PXYLP1: variants seen among roughly 807,000 people sequenced by gnomAD.
The protein encoded by PXYLP1 is acid phosphatase-like 2.
In PXYLP1, 17 loss-of-function variants were observed where a neutral mutation model predicts 37.9. That is an observed-to-expected ratio of 0.45 (90% CI 0.31 to 0.67). PXYLP1 has a LOEUF of 0.67. PXYLP1 is among the 30% of genes least tolerant of loss of function. The pLI is 0.07. For synonymous variants in PXYLP1, 221 were observed against 232.2 expected (o/e 0.95, Z 0.44); for missense variants, 511 against 612.0 (o/e 0.84, Z 1.74).
At position 141,260,185 on chromosome 3, in the gene PXYLP1, C is replaced by T. The variant is rs781734946; in HGVS notation, c.10C>T (p.Arg4Cys). Residue 4 changes from arginine (R) to cysteine (C), a missense_variant, in exon 2 of 6, where the codon CGC (arginine) becomes TGC (cysteine). Transcript: ENST00000286353. MLF[R>C]NRFLLLLALA... is the part of the protein sequence containing the mutation. The stretch of plus-strand genomic sequence containing the variant: ...AATAGAATACTTAATAATGCTTTTC[C>T]GCAACCGCTTCTTGCTGCTGCTGGC... 23 of 1,613,754 alleles carry T rather than the reference C, an allele frequency of 1.4e-5. 1 individual carries two copies. In the Middle Eastern group the frequency reaches 1.2e-3, roughly 81 times the overall value.
chr3:141,284,441 A>T (rs1486465624), intron 4 of PXYLP1, among the ~76,000 whole-genome samples: 1 of 152,224 alleles, frequency 6.6e-6, no homozygotes, highest in East Asian at 1.9e-4. Context: ...GACCTCAGAA[A>T]TAGGATCTAA....
intron 1 of PXYLP1, among the ~76,000 whole-genome samples, chr3:141,245,389 T>C (rs1940912416): frequency 6.6e-6 from 1 of 152,190 alleles, no homozygotes; most frequent in Non-Finnish European, 1.5e-5. Flanking sequence ...TTTAAATGTA[T>C]ATTTCTTTCC....
intron 1 of PXYLP1, among the ~76,000 whole-genome samples, chr3:141,241,102 G>C (rs556180957): frequency 6.6e-6 from 1 of 152,278 alleles, no homozygotes; most frequent in Admixed American, 6.5e-5. Context: ...GAGGGGAGGA[G>C]AGGACACAAC....
intron 1 of PXYLP1, among the ~76,000 whole-genome samples, chr3:141,250,744 A>C (rs1027842193): frequency 6.6e-6 from 1 of 152,236 alleles, no homozygotes; most frequent in Admixed American, 6.5e-5. Context: ...GTAAGAGGAC[A>C]GACATGGAAA....
At chr3:141,277,730 A>G (rs1227648669) in intron 2 of PXYLP1, among the ~76,000 whole-genome samples, 4 of 152,212 alleles carry the variant, frequency 2.6e-5, no homozygotes, top group Non-Finnish European at 5.9e-5. Context: ...ATGGACAAGC[A>G]CACAGATTGC....
chr3:141,278,281 C>T (rs1941846455), intron 2 of PXYLP1, 61 bp from the exon 3 acceptor site: 1 of 1,590,680 alleles, frequency 6.3e-7, no homozygotes, highest in East Asian at 2.2e-5. Flanking sequence ...CTGCGCTGGG[C>T]CTTGCAGCTG....
intron 1 of PXYLP1, among the ~76,000 whole-genome samples, chr3:141,251,764 C>A (rs1165679679): frequency 6.6e-6 from 1 of 152,150 alleles, no homozygotes; most frequent in Non-Finnish European, 1.5e-5. Context: ...GGGTTTGAAC[C>A]AAATGATATT....
rs1379102397 is a variant in PXYLP1 at position 141,292,322 on chromosome 3, A to G, written c.560A>G (p.Lys187Arg). 5 of 1,612,858 alleles carry G rather than the reference A, an allele frequency of 3.1e-6. No homozygotes were observed. The highest frequency in any genetic ancestry group is 4.2e-6 in the Non-Finnish European group (5 of 1,179,580). The change falls in exon 6 of 6, where the codon AAA becomes AGA. Residue 187 changes from lysine (K) to arginine (R), a missense_variant. By Grantham distance (26) the Lys-to-Arg change is conservative (BLOSUM62 2). Transcript: ENST00000286353. This position sits in a 1 kb window ranked among gnomAD's most constrained non-coding sequence, Gnocchi z 4.3. Reference protein sequence around the residue: ...GQLLRDIYLKKHKLLPNDWSA... With the variant: ...GQLLRDIYLKRHKLLPNDWSA... The stretch of plus-strand genomic sequence containing the variant: ...CTGCTGAGGGATATCTATCTAAAGA[A>G]ACACAAACTCCTGCCCAATGATTGG...
At chr3:141,275,853 A>T (rs959540583) in intron 2 of PXYLP1, among the ~76,000 whole-genome samples, 1 of 152,210 alleles carries the variant, frequency 6.6e-6, no homozygotes, top group Non-Finnish European at 1.5e-5. Context: ...ATATATTTCT[A>T]TACATATAGA....
At chr3:141,266,325 G>A (rs1464464686) in intron 2 of PXYLP1, among the ~76,000 whole-genome samples, 1 of 152,220 alleles carries the variant, frequency 6.6e-6, no homozygotes, top group African/African-American at 2.4e-5. Context: ...GGGACCGCTG[G>A]CAGGAGCCGG....
chr3:141,238,278 C>T (rs777842620), intron 1 of PXYLP1, among the ~76,000 whole-genome samples: 5 of 152,212 alleles, frequency 3.3e-5, no homozygotes, highest in African/African-American at 4.8e-5. Flanking sequence ...AAAGAGAGGA[C>T]CTTCCTCCTC....
At chr3:141,234,237 T>G (rs1184895758) in intron 1 of PXYLP1, 1 of 152,112 alleles carries the variant, frequency 6.6e-6, no homozygotes, top group Non-Finnish European at 1.5e-5. Flanking sequence ...TACGGATCAG[T>G]CTCTGATGGT....
intron 2 of PXYLP1, among the ~76,000 whole-genome samples, chr3:141,263,948 G>C (rs1050392859): frequency 6.6e-6 from 1 of 151,892 alleles, no homozygotes; most frequent in Admixed American, 6.5e-5. Context: ...TGGTGTTCCA[G>C]AAGTTGCCAG....
intron 1 of PXYLP1, among the ~76,000 whole-genome samples, chr3:141,252,325 T>C (rs566722283): frequency 9.2e-5 from 14 of 152,280 alleles, no homozygotes; most frequent in African/African-American, 3.4e-4. Context: ...TACCCAAGAC[T>C]GGGTAACTCA....
At chr3:141,267,886 CCT>C (rs1941558385) in intron 2 of PXYLP1, among the ~76,000 whole-genome samples, 1 of 151,926 alleles carries the variant, frequency 6.6e-6, no homozygotes, top group Non-Finnish European at 1.5e-5. Flanking sequence ...TCCCTCTCTC[CCT>C]CTCTCCCACC....
rs181741162 is a variant in PXYLP1 at position 141,248,726 on chromosome 3, C to T, written c.-53-11397C>T. On this transcript the variant is annotated intron_variant, in intron 1 of 5. Coordinates refer to ENST00000286353, the MANE Select transcript of PXYLP1 (RefSeq NM_001037172.3). ...ACGTGTATATATACACACGTATATA[C>T]ACACACGTGTATATATACACACGTA... Among the ~76,000 whole-genome samples the T allele has an allele frequency of 9.0e-4, 18 of 20,110 alleles. 1 individual carries two copies. The highest frequency in any genetic ancestry group is 3.6e-3 in the South Asian group (1 of 278). The allele number at this position is 20,110 out of a possible 152,430, so 13.2% of individuals were successfully genotyped here. A position where few individuals can be genotyped will look rare whatever the true frequency, so the allele number is the denominator to read the frequency against.
At chr3:141,233,158 G>A (rs893760019) in intron 1 of PXYLP1, among the ~76,000 whole-genome samples, 24 of 152,084 alleles carry the variant, frequency 1.6e-4, no homozygotes, top group African/African-American at 4.1e-4. Context: ...TCTGTGGGAA[G>A]GGGATTTATA....
intron 1 of PXYLP1, among the ~76,000 whole-genome samples, chr3:141,249,364 C>T (rs1199421560): frequency 6.6e-6 from 1 of 151,988 alleles, no homozygotes; most frequent in African/African-American, 2.4e-5. Context: ...AGCAAAATCC[C>T]GTTCCTATAT....
chr3:141,286,959 TG>T (rs1034567692), intron 4 of PXYLP1, among the ~76,000 whole-genome samples: 7 of 151,488 alleles, frequency 4.6e-5, no homozygotes, highest in African/African-American at 9.7e-5. Context: ...ATGGAGAGAG[TG>T]GGACGATGCC....
Sources: allele counts gnomAD v4.1 joint callset (sites outside exome capture counted in the v4.1 genomes callset), GRCh38; gene constraint gnomAD v4.1.1; non-coding constraint Gnocchi (gnomAD v3.1); transcripts MANE v1.5; gene names NCBI Gene and HGNC (gene_info 2026-07-23, HGNC 2026-07-21).